The following DLGAP2 variants were observed in gnomAD, a reference collection of about 807,000 sequenced individuals.
DLGAP2 encodes DLG associated protein 2.
Under a neutral mutation model 100.3 loss-of-function variants are expected in DLGAP2, and 26 were observed. The observed-to-expected ratio is 0.26, with a 90% confidence interval of 0.19 to 0.36. The LOEUF is 0.36. Ranked by LOEUF, DLGAP2 falls within the 10% of genes least tolerant of loss-of-function variation. The probability of loss-of-function intolerance (pLI) is 1.00; values close to 1 mark genes in which losing one functional copy is unlikely to be tolerated. For synonymous variants in DLGAP2, 886 were observed against 630.1 expected, an observed-to-expected ratio of 1.41 and a Z score of -6.08; for missense variants, 1,858 against 1,453.2, an observed-to-expected ratio of 1.28 and a Z score of -4.53.
At chr8:754,956 T>C (rs980070384) in intron 1 of DLGAP2, among the ~76,000 whole-genome samples, 1 of 152,210 alleles carries the variant, frequency 6.6e-6, no homozygotes, top group East Asian at 1.9e-4. Flanking sequence ...CTGGATGACT[T>C]TGGCTGAGTT....
At chr8:1,452,556 G>T (rs1327398750) in intron 3 of DLGAP2, among the ~76,000 whole-genome samples, 1 of 152,236 alleles carries the variant, frequency 6.6e-6, no homozygotes, top group Admixed American at 6.5e-5. Context: ...TGGAGGCCCA[G>T]TGGCCCGGCT....
chr8:1,212,249 A>G (rs1157421675), intron 2 of DLGAP2, among the ~76,000 whole-genome samples: 1 of 152,218 alleles, frequency 6.6e-6, no homozygotes, highest in Admixed American at 6.5e-5. Flanking sequence ...GATACCTGGA[A>G]TCTCACCAGG....
At chr8:1,199,774 G>A (rs1377109170) in intron 2 of DLGAP2, among the ~76,000 whole-genome samples, 3 of 152,104 alleles carry the variant, frequency 2.0e-5, no homozygotes, top group Non-Finnish European at 4.4e-5. Context: ...CATGATGGAA[G>A]GTGTGTATGG....
intron 3 of DLGAP2, among the ~76,000 whole-genome samples, chr8:1,454,037 A>T (rs542757017): frequency 1.3e-5 from 2 of 152,372 alleles, no homozygotes; most frequent in African/African-American, 4.8e-5. Context: ...GGCAGAGTGG[A>T]AAGTTAACAC....
In DLGAP2 at chr8:1,468,681, G is replaced by A. The variant is rs369238185; in HGVS notation, c.107-32685G>A. Among the ~76,000 whole-genome samples, 23 of 152,302 alleles carry A rather than the reference G, an allele frequency of 1.5e-4. No homozygotes were observed. The South Asian group carries it at 4.1e-3, about 27-fold the overall frequency. On this transcript the variant is annotated intron_variant, in intron 3 of 14. Transcript: ENST00000637795. The stretch of plus-strand genomic sequence containing the variant: ...TTATTTACTGGGGCTGCCGTAAAAC[G>A]TGACTCCAGCCTGGGCAGTGTAAAC...
intron 6 of DLGAP2, among the ~76,000 whole-genome samples, chr8:1,567,965 G>A (rs923379700): frequency 5.3e-5 from 8 of 152,182 alleles, no homozygotes; most frequent in African/African-American, 1.2e-4. Context: ...TGCTGCCTAC[G>A]TTACTCCTGT....
chr8:1,386,111 C>T (rs137984047), intron 3 of DLGAP2, among the ~76,000 whole-genome samples: 1 of 152,116 alleles, frequency 6.6e-6, no homozygotes, highest in Non-Finnish European at 1.5e-5. Flanking sequence ...AGGAAAATGA[C>T]AAAATAATGG....
intron 2 of DLGAP2, among the ~76,000 whole-genome samples, chr8:1,114,014 T>C (rs1805040568): frequency 6.6e-6 from 1 of 152,232 alleles, no homozygotes; most frequent in African/African-American, 2.4e-5. Flanking sequence ...GATTTGTGTA[T>C]GTTGAACCAA....
At chr8:925,334 C>T (rs181994564) in intron 2 of DLGAP2, among the ~76,000 whole-genome samples, 200 of 152,172 alleles carry the variant, frequency 1.3e-3, no homozygotes, top group Non-Finnish European at 2.3e-3. Context: ...GTTGCCGAGG[C>T]TGGTCTTGAA....
chr8:1,030,519 C>G (rs777320497), intron 2 of DLGAP2, among the ~76,000 whole-genome samples: 1 of 152,056 alleles, frequency 6.6e-6, no homozygotes, highest in Non-Finnish European at 1.5e-5. Context: ...TATTATTGCT[C>G]TAAATATTGG....
intron 1 of DLGAP2, among the ~76,000 whole-genome samples, chr8:888,830 C>T (rs1403912534): frequency 6.6e-6 from 1 of 152,104 alleles, no homozygotes; most frequent in Non-Finnish European, 1.5e-5. Context: ...TGTGTGACAA[C>T]CCCTGTTGGA....
chr8:1,076,764 T>A (rs1803625759), intron 2 of DLGAP2, among the ~76,000 whole-genome samples: 2 of 152,100 alleles, frequency 1.3e-5, no homozygotes. Flanking sequence ...CCCTTCTTCA[T>A]GGATCTGGAG....
chr8:1,451,466 C>T (rs774932245), intron 3 of DLGAP2, among the ~76,000 whole-genome samples: 1 of 151,840 alleles, frequency 6.6e-6, no homozygotes, highest in Non-Finnish European at 1.5e-5. Flanking sequence ...GCGCTGGTGC[C>T]AGGGTCCCTG....
chr8:1,458,199 C>T (rs967669870), intron 3 of DLGAP2, among the ~76,000 whole-genome samples: 2 of 151,882 alleles, frequency 1.3e-5, no homozygotes, highest in Admixed American at 6.6e-5. Context: ...AGCCACCACA[C>T]CCAGCCTCTG....
intron 10 of DLGAP2, 72 bp downstream of exon 10, chr8:1,669,856 T>C (rs1456088395): frequency 1.3e-6 from 1 of 779,396 alleles, no homozygotes; most frequent in Non-Finnish European, 2.4e-6. Context: ...TGGATGTTCA[T>C]GCGACCGCTC....
Position 1,678,480 on chromosome 8 carries a change from C to T in DLGAP2, c.2555C>T (p.Ala852Val), listed in dbSNP as rs750835294. The change falls in exon 12 of 15, where the codon GCC (alanine) becomes GTC (valine). Residue 852 changes from alanine (A) to valine (V), a missense_variant. Ala to Val is a moderately conservative substitution (Grantham distance 64). Transcript: ENST00000637795. ...CCTCCAGACCCCTGGCTGGAGCCCGCCATCGACACGGTAGAGACTGGGAGG... is the reference window on the plus strand; with the variant it reads ...CCTCCAGACCCCTGGCTGGAGCCCGTCATCGACACGGTAGAGACTGGGAGG... ...LPPPDPWLEP[A>V]IDTVETGRMS... 1.9e-6 allele frequency: 3 copies of T among 1,613,126 alleles called. No homozygotes were observed. The highest frequency in any genetic ancestry group is 2.7e-5 in the African/African-American group (2 of 74,898).
intron 2 of DLGAP2, among the ~76,000 whole-genome samples, chr8:969,108 T>G (rs1799951464): frequency 6.6e-6 from 1 of 152,052 alleles, no homozygotes. Context: ...TCATGATAAT[T>G]TTTTGCCTCA....
intron 3 of DLGAP2, among the ~76,000 whole-genome samples, chr8:1,345,288 G>T (rs562796072): frequency 7.5e-5 from 7 of 93,614 alleles, no homozygotes; most frequent in South Asian, 3.9e-4. Flanking sequence ...TAAGATGGAG[G>T]TTCAGTTCCT....
At chr8:877,470 C>T (rs1201202851) in intron 1 of DLGAP2, among the ~76,000 whole-genome samples, 1 of 152,232 alleles carries the variant, frequency 6.6e-6, no homozygotes, top group East Asian at 1.9e-4. Flanking sequence ...GGCAGGCTTT[C>T]TTCCTCTCTG....
Sources: gnomAD v4.1 joint callset for allele counts (sites outside exome capture counted in the v4.1 genomes callset) on GRCh38, gnomAD v4.1.1 for gene constraint, MANE v1.5 for transcripts, NCBI Gene and HGNC (gene_info 2026-07-23, HGNC 2026-07-21) for gene names.